Variants in MGAT4C observed in about 807,000 individuals in gnomAD.
The protein encoded by MGAT4C is MGAT4 family member C.
In MGAT4C, 19 loss-of-function variants were observed where a neutral mutation model predicts 40.1. The ratio of observed to expected loss-of-function variants is 0.47; its 90% CI spans 0.33 to 0.70. MGAT4C has a LOEUF of 0.70. Among genes scored for constraint, MGAT4C ranks in the 30% least tolerant of loss-of-function variants. The probability of loss-of-function intolerance (pLI) is 0.02; values close to 1 mark genes in which losing one functional copy is unlikely to be tolerated. For missense variants in MGAT4C, 491 were observed against 563.2 expected (o/e 0.87, Z 1.30); for synonymous variants, 181 against 187.1 (o/e 0.97, Z 0.27).
chr12:86,807,603 T>A (rs2136211981), intron 1 of MGAT4C, among the ~76,000 whole-genome samples: 1 of 152,308 alleles, frequency 6.6e-6, no homozygotes, highest in African/African-American at 2.4e-5. Flanking sequence ...CATGTATCTT[T>A]GTAAAAGAAT....
At position 86,766,557 on chromosome 12, in the gene MGAT4C, G is replaced by C. The variant is rs1951512255; in HGVS notation, c.-261-39316C>G. Reference sequence around the variant, plus strand: ...CAGAACTCTCCACCCCAAATAAACAGAATATACATTTTTTTCAGCACCACA... The same window carrying C: ...CAGAACTCTCCACCCCAAATAAACACAATATACATTTTTTTCAGCACCACA... On this transcript the variant is annotated intron_variant, in intron 1 of 7. Transcript: ENST00000548651. 3.3e-5 allele frequency among the ~76,000 whole-genome samples: 5 copies of C among 151,542 alleles called. No homozygotes were observed. In the South Asian group the frequency reaches 1.1e-3, roughly 32 times the overall value.
At chr12:86,703,683 G>A (rs1593132037) in intron 2 of MGAT4C, among the ~76,000 whole-genome samples, 1 of 152,150 alleles carries the variant, frequency 6.6e-6, no homozygotes, top group African/African-American at 2.4e-5. Context: ...ATTAAAAAAT[G>A]TGTGGTTATC....
At chr12:86,706,664 T>A (rs1028440869) in intron 2 of MGAT4C, among the ~76,000 whole-genome samples, 1 of 152,210 alleles carries the variant, frequency 6.6e-6, no homozygotes, top group African/African-American at 2.4e-5. Context: ...TTTCAAGGAA[T>A]GACATTATTA....
chr12:86,376,167 C>T (rs1179171764), intron 3 of MGAT4C, among the ~76,000 whole-genome samples: 2 of 144,416 alleles, frequency 1.4e-5, no homozygotes, highest in Non-Finnish European at 3.0e-5. Context: ...GGGCAGATGG[C>T]TTGAGTCCAG....
At chr12:86,707,679 T>C (rs543277638) in intron 2 of MGAT4C, among the ~76,000 whole-genome samples, 134 of 152,014 alleles carry the variant, frequency 8.8e-4, no homozygotes, top group Admixed American at 2.0e-3. Flanking sequence ...TACAGGCACA[T>C]GCTGCCGTAC....
intron 2 of MGAT4C, among the ~76,000 whole-genome samples, chr12:86,649,419 G>C (rs549177501): frequency 6.6e-6 from 1 of 151,774 alleles, no homozygotes; most frequent in African/African-American, 2.4e-5. Context: ...CTTTGAACTC[G>C]ATCAGCTTTA....
At chr12:86,457,718 G>A (rs766677960) in intron 2 of MGAT4C, among the ~76,000 whole-genome samples, 116 of 152,198 alleles carry the variant, frequency 7.6e-4, no homozygotes, top group Admixed American at 1.4e-3. Context: ...GCTGTGGCTT[G>A]TAATGAAGCT....
chr12:86,783,817 C>T (rs1197795877), intron 1 of MGAT4C, among the ~76,000 whole-genome samples: 1 of 152,102 alleles, frequency 6.6e-6, no homozygotes, highest in African/African-American at 2.4e-5. Flanking sequence ...TCAATTTAGT[C>T]TTCAAACTGG....
chr12:86,744,292 T>C (rs1048385903), intron 1 of MGAT4C, among the ~76,000 whole-genome samples: 1 of 151,216 alleles, frequency 6.6e-6, no homozygotes, highest in African/African-American at 2.4e-5. Flanking sequence ...CCAGACTCAA[T>C]AGGTTGCTAA....
At chr12:86,225,106 A>G (rs896747801) in intron 1 of MGAT4C, among the ~76,000 whole-genome samples, 2 of 147,198 alleles carry the variant, frequency 1.4e-5, no homozygotes, top group African/African-American at 4.9e-5. Flanking sequence ...AGATTTTATA[A>G]CTGACAAAAA....
At chr12:86,151,129 T>C (rs1390907256) in intron 1 of MGAT4C, among the ~76,000 whole-genome samples, 3 of 152,170 alleles carry the variant, frequency 2.0e-5, no homozygotes, top group African/African-American at 7.2e-5. Flanking sequence ...AAAAATATTC[T>C]TATCAGTAGT....
At chr12:86,205,208 T>C (rs1209728423) in intron 1 of MGAT4C, among the ~76,000 whole-genome samples, 1 of 151,914 alleles carries the variant, frequency 6.6e-6, no homozygotes, top group Non-Finnish European at 1.5e-5. Context: ...TGTAACATTA[T>C]GAAATCTTGA....
intron 1 of MGAT4C, among the ~76,000 whole-genome samples, chr12:86,160,040 A>C (rs192608191): frequency 6.4e-4 from 98 of 152,036 alleles, no homozygotes; most frequent in Non-Finnish European, 1.3e-3. Context: ...CAATTTCATT[A>C]AGTTCTTTTC....
intron 2 of MGAT4C, among the ~76,000 whole-genome samples, chr12:86,443,824 G>T (rs184418540): frequency 3.9e-5 from 6 of 152,198 alleles, no homozygotes; most frequent in African/African-American, 1.4e-4. Flanking sequence ...TCAATCTCCT[G>T]ACCTCGTGAT....
intron 3 of MGAT4C, among the ~76,000 whole-genome samples, chr12:86,363,787 A>G (rs907504135): frequency 6.6e-6 from 1 of 152,082 alleles, no homozygotes; most frequent in African/African-American, 2.4e-5. Flanking sequence ...AAAATTACCA[A>G]CATCAGTAGG....
At chr12:86,794,164 T>C (rs1415830786) in intron 1 of MGAT4C, among the ~76,000 whole-genome samples, 1 of 151,826 alleles carries the variant, frequency 6.6e-6, no homozygotes, top group Non-Finnish European at 1.5e-5. Flanking sequence ...AGAGTTATAA[T>C]AGATTTTATA....
intron 2 of MGAT4C, among the ~76,000 whole-genome samples, chr12:86,580,542 T>A (rs1320128560): frequency 6.6e-6 from 1 of 151,468 alleles, no homozygotes; most frequent in Non-Finnish European, 1.5e-5. Flanking sequence ...ACAGAATTGA[T>A]TATAGCTATA....
intron 2 of MGAT4C, among the ~76,000 whole-genome samples, chr12:86,670,359 A>C (rs1964223986): frequency 6.6e-6 from 1 of 152,154 alleles, no homozygotes; most frequent in Non-Finnish European, 1.5e-5. Context: ...CCTAAGAAGA[A>C]ATCAATCAGA....
chr12:86,442,265 T>C (rs1957245062), intron 2 of MGAT4C, among the ~76,000 whole-genome samples: 2 of 152,198 alleles, frequency 1.3e-5, no homozygotes, highest in Non-Finnish European at 2.9e-5. Context: ...GATGGGTAGA[T>C]TGCAACATTT....
Sources: gnomAD v4.1 joint callset for allele counts (sites outside exome capture counted in the v4.1 genomes callset) on GRCh38, gnomAD v4.1.1 for gene constraint, MANE v1.5 for transcripts, NCBI Gene and HGNC (gene_info 2026-07-23, HGNC 2026-07-21) for gene names.